The following DST variants were observed in gnomAD, a reference collection of about 807,000 sequenced individuals.
DST encodes bullous pemphigoid antigen.
Under a neutral mutation model 875.2 loss-of-function variants are expected in DST, and 253 were observed. That is an observed-to-expected ratio of 0.29 (90% CI 0.26 to 0.32). The LOEUF is 0.32. DST is among the 10% of genes least tolerant of loss of function. DST has a pLI of 1.00. For synonymous variants in DST, 3,124 were observed against 3,197.1 expected (o/e 0.98, Z 0.77); for missense variants, 8,287 against 9,111.6 (o/e 0.91, Z 3.68).
At chr6:56,880,585 C>A (rs192012943) in intron 3 of DST, among the ~76,000 whole-genome samples, 30 of 151,450 alleles carry the variant, frequency 2.0e-4, no homozygotes, top group Admixed American at 5.9e-4. Context: ...TACTTGGGAG[C>A]CTGAGGCAGG....
chr6:56,916,778 T>TCACACACACA (rs70989742), intron 2 of DST, among the ~76,000 whole-genome samples: 1,180 of 91,322 alleles, frequency 0.013, 20 homozygotes, highest in African/African-American at 0.02. Flanking sequence ...TCTCTCTCTC[T>TCACACACACA]CACACACACA....
rs1185952328 is a variant in DST at position 56,829,872 on chromosome 6, G to T, written c.625+21525C>A. On this transcript the variant is annotated intron_variant, in intron 4 of 103. Transcript: ENST00000680361. The stretch of plus-strand genomic sequence containing the variant: ...AACCTTGGCAATCATTCATTTTCAT[G>T]TATAAGCCATCCAAAACTAGCTACT... Among the ~76,000 whole-genome samples, 3 of 152,080 alleles carry T rather than the reference G, an allele frequency of 2.0e-5. No homozygotes were observed. In the East Asian group the frequency reaches 5.8e-4, roughly 29 times the overall value.
chr6:56,829,789 CAAG>C (rs2099784944), intron 4 of DST, among the ~76,000 whole-genome samples: 1 of 151,990 alleles, frequency 6.6e-6, no homozygotes, highest in Non-Finnish European at 1.5e-5. Context: ...AAGAAACACT[CAAG>C]AAATAAATAA....
At chr6:56,507,530 T>C (rs1335678009) in intron 75 of DST, among the ~76,000 whole-genome samples, 3 of 152,186 alleles carry the variant, frequency 2.0e-5, no homozygotes, top group Non-Finnish European at 4.4e-5. Flanking sequence ...CTCTGCTAAG[T>C]ATACAAGAAA....
chr6:56,673,188 T>A, intron 9 of DST, among the ~76,000 whole-genome samples: 1 of 152,088 alleles, frequency 6.6e-6, no homozygotes, highest in Admixed American at 6.6e-5. Flanking sequence ...GAGGCTGTAG[T>A]GAGCCATGAT....
chr6:56,678,667 G>A (rs888820367), intron 9 of DST, among the ~76,000 whole-genome samples: 34 of 152,282 alleles, frequency 2.2e-4, no homozygotes, highest in African/African-American at 7.7e-4. Context: ...ATGCAGGAAA[G>A]CTCTCTACTC....
chr6:56,605,084 T>C lies in DST; in HGVS notation c.9544A>G (p.Thr3182Ala), dbSNP rs1480727667. The C allele has an allele frequency of 3.1e-6, 5 of 1,612,682 alleles. No individual in the cohort carries two copies. Among genetic ancestry groups the C allele is most frequent in the East Asian group, 4.5e-5 (2 of 44,848 alleles). The change falls in exon 40 of 104, where the codon ACT becomes GCT. Residue 3182 changes from threonine (T) to alanine (A), a missense_variant. Thr to Ala is a moderately conservative substitution (Grantham distance 58). Coordinates refer to ENST00000680361, the MANE Select transcript of DST (RefSeq NM_001374736.1). Reference protein sequence around the residue: ...DGPEKELDLFTYLKHCAKNIK... With the variant: ...DGPEKELDLFAYLKHCAKNIK... ...TTTTTAGCACAATGTTTTAAGTAAG[T>C]AAACAGATCAAGCTCTTTCTCAGGT... is the stretch of plus-strand genomic sequence containing the variant.
At chr6:56,566,992 T>C (rs1040752694) in intron 55 of DST, among the ~76,000 whole-genome samples, 2 of 152,186 alleles carry the variant, frequency 1.3e-5, no homozygotes, top group African/African-American at 4.8e-5. Flanking sequence ...AGCCCCAGCC[T>C]CACTAATTAC....
chr6:56,460,379 G>A, intron 102 of DST, 125 bp from the exon 103 acceptor site: 1 of 913,806 alleles, frequency 1.1e-6, no homozygotes, highest in Non-Finnish European at 1.6e-6. Context: ...TGAAGGGGGA[G>A]AAACTCTTCA....
intron 4 of DST, among the ~76,000 whole-genome samples, chr6:56,785,377 C>T (rs564127666): frequency 6.6e-6 from 1 of 152,356 alleles, no homozygotes; most frequent in Non-Finnish European, 1.5e-5. Flanking sequence ...GTTCGATCTT[C>T]CAGGCTGCTT....
At chr6:56,562,024 C>T in intron 56 of DST, 114 bp downstream of exon 56, 2 of 549,618 alleles carry the variant, frequency 3.6e-6, no homozygotes, top group South Asian at 3.8e-5. Flanking sequence ...GATTAAATAC[C>T]ATTGTAATTC....
chr6:56,824,837 C>G (rs1034217631), intron 4 of DST, among the ~76,000 whole-genome samples: 3 of 151,716 alleles, frequency 2.0e-5, no homozygotes, highest in African/African-American at 7.3e-5. Context: ...AAGTGAGGAG[C>G]GTCTCCGCCC....
chr6:56,719,078 A>T (rs1052706828), intron 5 of DST, among the ~76,000 whole-genome samples: 2 of 152,234 alleles, frequency 1.3e-5, no homozygotes, highest in African/African-American at 4.8e-5. Flanking sequence ...GATTTAAAAA[A>T]ATATTTTAGT....
At position 56,714,372 on chromosome 6, in the gene DST, T is replaced by C. The variant is rs1184458214; in HGVS notation, c.688-10003A>G. ...ATCACTTCCTAAATGACATCATAAG[T>C]CTGCCAAACTTTCAGATTCTAGTCT... On this transcript the variant is annotated intron_variant, in intron 5 of 103. Transcript: ENST00000680361. The surrounding 1 kb of genome is among the most constrained non-coding windows in gnomAD (Gnocchi z 4.5). Among the ~76,000 whole-genome samples the C allele has an allele frequency of 3.3e-5, 5 of 152,316 alleles. No individual in the cohort carries two copies. In the East Asian group the frequency reaches 7.7e-4, roughly 23 times the overall value.
chr6:56,561,196 G>A (rs1329389153), intron 57 of DST, 112 bp downstream of exon 57: 12 of 1,192,554 alleles, frequency 1.0e-5, no homozygotes, highest in Non-Finnish European at 1.4e-5. Flanking sequence ...ATGTGCTAAA[G>A]GTTACAGAGC....
intron 68 of DST, among the ~76,000 whole-genome samples, chr6:56,527,086 C>A (rs1046712545): frequency 1.3e-5 from 2 of 152,116 alleles, no homozygotes; most frequent in Non-Finnish European, 2.9e-5. Context: ...AGGCTGATAT[C>A]TTGGAAAAGA....
chr6:56,580,731 T>C (rs1360348496), intron 49 of DST, among the ~76,000 whole-genome samples: 3 of 147,332 alleles, frequency 2.0e-5, no homozygotes, highest in Non-Finnish European at 4.5e-5. Flanking sequence ...TTTTCTTTTT[T>C]TTTTTTTTTT....
rs756804136 is a variant in DST at position 56,608,457 on chromosome 6, G to A, written c.6171C>T (p.Ser2057=). ...GAGCTTCCAGGACCAGAAGAGCACT[G>A]CTGGAAGTTATTAAATCACACTGTA... ...EAVQCDLITS[S]SALLVLEAQR... The change falls in exon 40 of 104, where the codon AGC becomes AGT. Residue 2057 remains serine, a synonymous_variant. Transcript: ENST00000680361. 6.2e-7 allele frequency: 1 copy of A among 1,613,610 alleles called. No individual in the cohort carries two copies. Among genetic ancestry groups the A allele is most frequent in the Non-Finnish European group, 8.5e-7 (1 of 1,179,786 alleles).
intron 4 of DST, among the ~76,000 whole-genome samples, chr6:56,781,376 T>C (rs2099693472): frequency 6.6e-6 from 1 of 152,190 alleles, no homozygotes; most frequent in African/African-American, 2.4e-5. Flanking sequence ...CTTCCATTCG[T>C]TTGTATCCTC....
Sources: allele counts gnomAD v4.1 joint callset (sites outside exome capture counted in the v4.1 genomes callset), GRCh38; gene constraint gnomAD v4.1.1; non-coding constraint Gnocchi (gnomAD v3.1); transcripts MANE v1.5; gene names NCBI Gene and HGNC (gene_info 2026-07-23, HGNC 2026-07-21).